The following CHLSN variants were observed in gnomAD, a reference collection of about 807,000 sequenced individuals.
The protein encoded by CHLSN is protein cholesin.
At chr7:1,053,947 C>G in the CHLSN span, among the ~76,000 whole-genome samples, 4 of 152,338 alleles carry the variant, frequency 2.6e-5, no homozygotes, top group Admixed American at 2.0e-4. Context: ...TCCCAGGGAC[C>G]CTGTTCCTAC....
At chr7:999,241 G>C in the CHLSN span, among the ~76,000 whole-genome samples, 150 of 152,318 alleles carry the variant, frequency 9.8e-4, no homozygotes, top group African/African-American at 3.6e-3. Flanking sequence ...AACAAAACGT[G>C]GAAACCCAGT....
the CHLSN span, chr7:1,045,413 C>G: frequency 6.6e-6 from 1 of 152,238 alleles, no homozygotes; most frequent in Non-Finnish European, 1.5e-5. Flanking sequence ...CCTGTCCACA[C>G]GGAACAGCAC....
chr7:1,106,942 C>T, the CHLSN span, among the ~76,000 whole-genome samples: 13 of 152,312 alleles, frequency 8.5e-5, no homozygotes, highest in South Asian at 1.0e-3. Context: ...ACCGTGACCA[C>T]GGCCAGGAGC....
the CHLSN span, chr7:988,878 C>T: frequency 7.2e-6 from 8 of 1,108,164 alleles, no homozygotes; most frequent in Admixed American, 2.0e-4. Context: ...CCTGGGTCCT[C>T]CCACCCTCTC....
At chr7:1,132,980 A>G in the CHLSN span, among the ~76,000 whole-genome samples, 3 of 152,194 alleles carry the variant, frequency 2.0e-5, no homozygotes, top group Non-Finnish European at 4.4e-5. Context: ...AATGTGTCCA[A>G]TGATGTTCAC....
the CHLSN span, among the ~76,000 whole-genome samples, chr7:1,130,405 G>C: frequency 6.6e-6 from 1 of 152,132 alleles, no homozygotes; most frequent in African/African-American, 2.4e-5. Context: ...GCAGGGACAA[G>C]GCTGCTTCTA....
chr7:1,081,665 G>A, the CHLSN span, among the ~76,000 whole-genome samples: 41 of 150,148 alleles, frequency 2.7e-4, no homozygotes, highest in Admixed American at 8.0e-4. Context: ...GGAGCCAGTC[G>A]AGGAACCTGG....
At chr7:1,046,710 G>C in the CHLSN span, among the ~76,000 whole-genome samples, 1 of 149,452 alleles carries the variant, frequency 6.7e-6, no homozygotes, top group Non-Finnish European at 1.5e-5. Context: ...AGAGGGACAA[G>C]GTGGAGGTGG....
the CHLSN span, chr7:1,056,913 C>T: frequency 4.6e-5 from 7 of 152,870 alleles, no homozygotes; most frequent in African/African-American, 1.7e-4. Context: ...GCTCCAGCCG[C>T]CAGGTTCTCA....
chr7:1,018,474 C>T, the CHLSN span, among the ~76,000 whole-genome samples: 2 of 152,098 alleles, frequency 1.3e-5, no homozygotes, highest in African/African-American at 2.4e-5. Context: ...ACGAGGGAGT[C>T]GTGATGGGCA....
At chr7:1,121,988 T>A in the CHLSN span, among the ~76,000 whole-genome samples, 12 of 152,324 alleles carry the variant, frequency 7.9e-5, no homozygotes, top group African/African-American at 2.9e-4. Context: ...GTCTGAGCCC[T>A]CATGGTCCTT....
chr7:1,014,207 A>C, the CHLSN span, among the ~76,000 whole-genome samples: 1 of 152,290 alleles, frequency 6.6e-6, no homozygotes, highest in Non-Finnish European at 1.5e-5. Flanking sequence ...TGGGAGGAGC[A>C]AAGTGGATCA....
At chr7:1,093,420 C>T in the CHLSN span, 22 of 461,326 alleles carry the variant, frequency 4.8e-5, no homozygotes, top group African/African-American at 1.8e-4. Context: ...CTCTGGTGCA[C>T]GCCTGAGCGT....
the CHLSN span, chr7:1,109,468 G>C: frequency 6.6e-6 from 1 of 152,328 alleles, no homozygotes; most frequent in East Asian, 1.9e-4. Flanking sequence ...GTTCCTAAAA[G>C]CATATAAAAA....
chr7:1,128,971 CCT>C, the CHLSN span, among the ~76,000 whole-genome samples: 2 of 3,666 alleles, frequency 5.5e-4, no homozygotes, highest in Admixed American at 1.9e-3. Context: ...CTCATCCCAC[CCT>C]GTCACCCGGG....
the CHLSN span, chr7:983,287 T>C: frequency 6.5e-6 from 10 of 1,543,636 alleles, no homozygotes; most frequent in Non-Finnish European, 7.9e-6. Context: ...CCAAGACCCC[T>C]CCCCAGCTGC....
the CHLSN span, chr7:1,010,152 C>A: frequency 6.2e-7 from 1 of 1,605,360 alleles, no homozygotes; most frequent in South Asian, 1.1e-5. Flanking sequence ...CCCTGAAAGT[C>A]AAGGAACACA....
chr7:1,010,282 C>T, the CHLSN span: 140 of 720,090 alleles, frequency 1.9e-4, no homozygotes, highest in African/African-American at 9.0e-4. Flanking sequence ...TGGCCCCAGC[C>T]GACACCATCC....
At chr7:1,109,111 G>T in the CHLSN span, among the ~76,000 whole-genome samples, 1 of 151,928 alleles carries the variant, frequency 6.6e-6, no homozygotes. Context: ...TGGCCAGACT[G>T]GTCTCAAATT....
Sources: gnomAD v4.1 joint callset for allele counts (sites outside exome capture counted in the v4.1 genomes callset) on GRCh38, gnomAD v4.1.1 for gene constraint, MANE v1.5 for transcripts, NCBI Gene and HGNC (gene_info 2026-07-23, HGNC 2026-07-21) for gene names.